CCDC127: variants seen among roughly 807,000 people sequenced by gnomAD.
CCDC127 encodes coiled-coil domain containing 127, also known as coiled-coil domain-containing protein 127.
Under a neutral mutation model 4.1 loss-of-function variants are expected in CCDC127, and 2 were observed. That is an observed-to-expected ratio of 0.49 (90% confidence interval 0.20 to 1.53). CCDC127 has a LOEUF of 1.53. Ranked by LOEUF, CCDC127 falls within the 40% of genes most tolerant of loss-of-function variation. The pLI, the probability that CCDC127 is intolerant of heterozygous loss-of-function variation, is 0.23. For missense variants in CCDC127, 271 were observed against 322.9 expected (o/e 0.84, Z 1.23); for synonymous variants, 98 against 120.4 (o/e 0.81, Z 1.22).
At chr5:209,950 A>C (rs1234929466) in intron 2 of CCDC127, among the ~76,000 whole-genome samples, 3 of 152,216 alleles carry the variant, frequency 2.0e-5, no homozygotes, top group Non-Finnish European at 4.4e-5. Flanking sequence ...AGCTTCCTTG[A>C]CTTGATAAAC....
At position 205,675 on chromosome 5, in the gene CCDC127, C is replaced by T. The variant is rs1390483831; in HGVS notation, c.405G>A (p.Gln135=). 4 of 1,614,036 alleles carry T rather than the reference C, an allele frequency of 2.5e-6. No individual in the cohort carries two copies. In the African/African-American group the frequency reaches 5.3e-5, roughly 22 times the overall value. Residue 135 remains glutamine, a synonymous_variant, in exon 3 of 3, where the codon CAG becomes CAA. Transcript: ENST00000296824. ...AQVMQEKRQV[Q]PLRSAYLSCL... is the part of the protein sequence containing the mutation. The stretch of plus-strand genomic sequence containing the variant: ...AGCTCAAATACGCACTTCTCAAAGG[C>T]TGCACCTGTCTTTTTTCTTGCATCA...
Position 197,004 on chromosome 5 carries a change from G to A in CCDC127, c.*8293C>T, listed in dbSNP as rs922677383. 4 of 151,026 alleles carry A rather than the reference G, an allele frequency of 2.6e-5. No homozygotes were observed. Among genetic ancestry groups the A allele is most frequent in the South Asian group, 2.1e-4 (1 of 4,788 alleles). The allele number at this position is 151,026 out of a possible 1,614,324, so 9.4% of individuals were successfully genotyped here. The stretch of plus-strand genomic sequence containing the variant: ...CAAAAAGGAATGTAGTAGGAGAGCA[G>A]GGTGATAATAAGGAGGAGGTCAGCA... On this transcript the variant is annotated 3_prime_UTR_variant, in exon 3 of 3. Coordinates refer to ENST00000296824, the MANE Select transcript of CCDC127 (RefSeq NM_145265.3).
chr5:217,133 CA>C (rs907576923), intron 1 of CCDC127: 34 of 157,844 alleles, frequency 2.2e-4, no homozygotes, highest in South Asian at 1.0e-3. Context: ...CCGTCCCCCC[CA>C]AAAAAAAAGA....
In CCDC127 at chr5:201,681, G is replaced by C. The variant is rs1257903549; in HGVS notation, c.*3616C>G. On this transcript the variant is annotated 3_prime_UTR_variant, in exon 3 of 3. Coordinates refer to ENST00000296824, the MANE Select transcript of CCDC127 (RefSeq NM_145265.3). Reference sequence around the variant, plus strand: ...ATGCTGCCTCTTCAGTTTTGTTTTTGGAATGTCCAGGTCAATTGTGATGCC... The same window carrying C: ...ATGCTGCCTCTTCAGTTTTGTTTTTCGAATGTCCAGGTCAATTGTGATGCC... 1 of 152,194 alleles carries C rather than the reference G, an allele frequency of 6.6e-6. No individual in the cohort carries two copies. Among genetic ancestry groups the C allele is most frequent in the Admixed American group, 6.5e-5 (1 of 15,278 alleles). The allele number at this position is 152,194 out of a possible 1,614,324, so 9.4% of individuals were successfully genotyped here. A position where few individuals can be genotyped will look rare whatever the true frequency, so the allele number is the denominator to read the frequency against.
In CCDC127 at chr5:199,742, C is replaced by T. The variant is rs1248374805; in HGVS notation, c.*5555G>A. The T allele has an allele frequency of 6.6e-6, 1 of 152,444 alleles. No homozygotes were observed. Among genetic ancestry groups the T allele is most frequent in the Non-Finnish European group, 1.5e-5 (1 of 68,254 alleles). The allele number at this position is 152,444 out of a possible 1,614,324, so 9.4% of individuals were successfully genotyped here. On this transcript the variant is annotated 3_prime_UTR_variant, in exon 3 of 3. Transcript: ENST00000296824. ...CTGCCTGTCAGCCACCAACCAGCTTCGAGAAGCTCTCCCAGCAGGGATGGG... is the reference window on the plus strand; with the variant it reads ...CTGCCTGTCAGCCACCAACCAGCTTTGAGAAGCTCTCCCAGCAGGGATGGG...
intron 2 of CCDC127, 43 bp from the exon 3 acceptor site, chr5:206,001 G>T: frequency 6.5e-7 from 1 of 1,528,384 alleles, no homozygotes. Context: ...AAAAGTTAGG[G>T]CTGAAGTTCT....
Position 201,230 on chromosome 5 carries a change from C to T in CCDC127, c.*4067G>A, listed in dbSNP as rs1734070381. 1 of 152,394 alleles carries T rather than the reference C, an allele frequency of 6.6e-6. No homozygotes were observed. Among genetic ancestry groups the T allele is most frequent in the African/African-American group, 2.4e-5 (1 of 41,570 alleles). The allele number at this position is 152,394 out of a possible 1,614,324, so 9.4% of individuals were successfully genotyped here. On this transcript the variant is annotated 3_prime_UTR_variant, in exon 3 of 3. Coordinates refer to ENST00000296824, the MANE Select transcript of CCDC127 (RefSeq NM_145265.3). ...ATGGCTGCACACACTGCAGTTTGGTCTCTGCAATGTCACAGGTGTAGTCTT... is the reference window on the plus strand; with the variant it reads ...ATGGCTGCACACACTGCAGTTTGGTTTCTGCAATGTCACAGGTGTAGTCTT...
Position 200,076 on chromosome 5 carries a change from A to G in CCDC127, c.*5221T>C, listed in dbSNP as rs1196477054. On this transcript the variant is annotated 3_prime_UTR_variant, in exon 3 of 3. Coordinates refer to ENST00000296824, the MANE Select transcript of CCDC127 (RefSeq NM_145265.3). ...CCCGTGAATCTGGAGCTCACCCAGC[A>G]AACATCCAGGCGGCGGCAGCAGCTC... 6.6e-6 allele frequency: 1 copy of G among 152,276 alleles called. No homozygotes were observed. Among genetic ancestry groups the G allele is most frequent in the Non-Finnish European group, 1.5e-5 (1 of 68,104 alleles). The allele number at this position is 152,276 out of a possible 1,614,324, so 9.4% of individuals were successfully genotyped here.
In CCDC127 at chr5:203,544, G is replaced by C. The variant is rs1579356343; in HGVS notation, c.*1753C>G. 6.6e-6 allele frequency: 1 copy of C among 152,278 alleles called. No individual in the cohort carries two copies. Among genetic ancestry groups the C allele is most frequent in the South Asian group, 2.1e-4 (1 of 4,836 alleles). The allele number at this position is 152,278 out of a possible 1,614,324, so 9.4% of individuals were successfully genotyped here. Reference sequence around the variant, plus strand: ...TGCGTGTAAAGCGTGTACAGCTCAGGGTGGAACATGCACTCCATGAATAGT... The same window carrying C: ...TGCGTGTAAAGCGTGTACAGCTCAGCGTGGAACATGCACTCCATGAATAGT... On this transcript the variant is annotated 3_prime_UTR_variant, in exon 3 of 3. Transcript: ENST00000296824.
Position 205,641 on chromosome 5 carries a change from T to G in CCDC127, c.439A>C (p.Arg147=), listed in dbSNP as rs1196094433. ...GCTCTCCTTTGCCAGTTTTCTTCCC[T>G]TTGCAGGCAGCTCAAATACGCACTT... ...LRSAYLSCLQ[R]EENWQRRARL... Residue 147 remains arginine (R), a synonymous_variant, in exon 3 of 3, where the codon AGG becomes CGG. Transcript: ENST00000296824. 7.4e-6 allele frequency: 12 copies of G among 1,614,128 alleles called. No homozygotes were observed. The highest frequency in any genetic ancestry group is 2.7e-5 in the African/African-American group (2 of 74,958).
intron 1 of CCDC127, 173 bp from the exon 2 acceptor site, chr5:217,032 G>A (rs956328480): frequency 2.9e-5 from 16 of 548,334 alleles, no homozygotes; most frequent in East Asian, 1.5e-4. Flanking sequence ...TCGGGAGGCT[G>A]AGGCAGGAGA....
rs1237488622 is a variant in CCDC127 at position 199,290 on chromosome 5, TGTG to T, written c.*6004_*6006del. On this transcript the variant is annotated 3_prime_UTR_variant, in exon 3 of 3. Coordinates refer to ENST00000296824, the MANE Select transcript of CCDC127 (RefSeq NM_145265.3). ...ATATACGCAGGCCCAGTGGCCCCTG[TGTG>T]GTGGACGTGGCCCCTCTGTGTGGTG... is the stretch of plus-strand genomic sequence containing the variant. 1.3e-5 allele frequency: 2 copies of T among 152,902 alleles called. No individual in the cohort carries two copies. Among genetic ancestry groups the T allele is most frequent in the African/African-American group, 5.4e-5 (2 of 37,220 alleles). 9.5% of individuals were successfully genotyped at this position (152,902 alleles called of 1,614,324 possible). A position where few individuals can be genotyped will look rare whatever the true frequency, so the allele number is the denominator to read the frequency against.
intron 2 of CCDC127, chr5:214,128 G>T (rs1734331552): frequency 6.6e-6 from 1 of 152,228 alleles, no homozygotes; most frequent in African/African-American, 2.4e-5. Context: ...TAACATTCTT[G>T]AAATGACAAA....
rs1468320950 is a variant in CCDC127, at chr5:199,064, T to C, written c.*6233A>G. 2 of 152,376 alleles carry C rather than the reference T, an allele frequency of 1.3e-5. No individual in the cohort carries two copies. The highest frequency in any genetic ancestry group is 2.4e-5 in the African/African-American group (1 of 41,458). The allele number at this position is 152,376 out of a possible 1,614,324, so 9.4% of individuals were successfully genotyped here. A position where few individuals can be genotyped will look rare whatever the true frequency, so the allele number is the denominator to read the frequency against. On this transcript the variant is annotated 3_prime_UTR_variant, in exon 3 of 3. Coordinates refer to ENST00000296824, the MANE Select transcript of CCDC127 (RefSeq NM_145265.3). ...AGCAGGGTCCCAATGGGGGCCGCCATCTGGAGCCACCGTCTTTGCCTCCCT... is the reference window on the plus strand; with the variant it reads ...AGCAGGGTCCCAATGGGGGCCGCCACCTGGAGCCACCGTCTTTGCCTCCCT...
rs536450980 is a variant in CCDC127 at position 198,670 on chromosome 5, G to C, written c.*6627C>G. Reference sequence around the variant, plus strand: ...CCCTCGCCCGTCCTGTGCAGGTCTCGCACTTGCTCCTACTGAACTGATCGG... The same window carrying C: ...CCCTCGCCCGTCCTGTGCAGGTCTCCCACTTGCTCCTACTGAACTGATCGG... On this transcript the variant is annotated 3_prime_UTR_variant, in exon 3 of 3. Transcript: ENST00000296824. 2.0e-5 allele frequency: 3 copies of C among 152,350 alleles called. No individual in the cohort carries two copies. The highest frequency in any genetic ancestry group is 4.8e-5 in the African/African-American group (2 of 41,468). 9.4% of individuals were successfully genotyped at this position (152,350 alleles called of 1,614,324 possible). A position where few individuals can be genotyped will look rare whatever the true frequency, so the allele number is the denominator to read the frequency against.
In CCDC127 at chr5:202,317, GC is replaced by G. The variant is rs1463114981; in HGVS notation, c.*2979del. ...GAGCATCTTCCGGCCAGGCACGGTG[GC>G]TCACGCCCCTAATCCCAGCACTTTG... On this transcript the variant is annotated 3_prime_UTR_variant, in exon 3 of 3. Transcript: ENST00000296824. 1 of 152,314 alleles carries G rather than the reference GC, an allele frequency of 6.6e-6. No individual in the cohort carries two copies. Among genetic ancestry groups the G allele is most frequent in the African/African-American group, 2.4e-5 (1 of 41,474 alleles). The allele number at this position is 152,314 out of a possible 1,614,324, so 9.4% of individuals were successfully genotyped here. A position where few individuals can be genotyped will look rare whatever the true frequency, so the allele number is the denominator to read the frequency against.
At chr5:208,029 A>G (rs1235287274) in intron 2 of CCDC127, among the ~76,000 whole-genome samples, 3 of 152,176 alleles carry the variant, frequency 2.0e-5, no homozygotes, top group Admixed American at 2.0e-4. Context: ...TGCAGAGGAA[A>G]GTGTGGCAGG....
chr5:210,367 G>GGAGA (rs1163468834), intron 2 of CCDC127, among the ~76,000 whole-genome samples: 1 of 152,126 alleles, frequency 6.6e-6, no homozygotes, highest in Non-Finnish European at 1.5e-5. Context: ...CTACAGACTG[G>GGAGA]GAGAGGATAC....
Position 197,025 on chromosome 5 carries a change from C to T in CCDC127, c.*8272G>A, listed in dbSNP as rs542911119. The T allele has an allele frequency of 1.0e-4, 15 of 149,252 alleles. No homozygotes were observed. Among genetic ancestry groups the T allele is most frequent in the African/African-American group, 3.8e-4 (15 of 39,034 alleles). 9.2% of individuals were successfully genotyped at this position (149,252 alleles called of 1,614,324 possible). A position where few individuals can be genotyped will look rare whatever the true frequency, so the allele number is the denominator to read the frequency against. On this transcript the variant is annotated 3_prime_UTR_variant, in exon 3 of 3. Coordinates refer to ENST00000296824, the MANE Select transcript of CCDC127 (RefSeq NM_145265.3). ...AGCAGGGTGATAATAAGGAGGAGGT[C>T]AGCAAAAACGTGTGAGCAAAAGAAT... is the stretch of plus-strand genomic sequence containing the variant.
Sources: allele counts gnomAD v4.1 joint callset (sites outside exome capture counted in the v4.1 genomes callset), GRCh38; gene constraint gnomAD v4.1.1; transcripts MANE v1.5; gene names NCBI Gene and HGNC (gene_info 2026-07-23, HGNC 2026-07-21).